The following SDK1 variants were observed in gnomAD, a reference collection of about 807,000 sequenced individuals.
The protein encoded by SDK1 is sidekick cell adhesion molecule 1.
SDK1 carries 157 observed loss-of-function variants against 245.5 expected under a neutral mutation model. The observed-to-expected ratio is 0.64, with a 90% confidence interval of 0.56 to 0.73. The LOEUF (loss-of-function observed/expected upper bound fraction) is 0.73. Ranked by LOEUF, SDK1 falls within the 30% of genes least tolerant of loss-of-function variation. The pLI is 0.00. For missense variants in SDK1, 3,583 were observed against 3,002.3 expected, an observed-to-expected ratio of 1.19 and a Z score of -4.52; for synonymous variants, 1,647 against 1,278.5, an observed-to-expected ratio of 1.29 and a Z score of -6.15.
intron 8 of SDK1, 131 bp downstream of exon 8, chr7:3,959,145 A>G (rs1781482488): frequency 1.3e-6 from 1 of 752,168 alleles, no homozygotes; most frequent in Non-Finnish European, 2.3e-6. Context: ...TTCAGAGAGT[A>G]GATCGGTCTT....
chr7:3,801,070 C>G (rs569413408), intron 4 of SDK1, among the ~76,000 whole-genome samples: 1 of 152,190 alleles, frequency 6.6e-6, no homozygotes, highest in East Asian at 1.9e-4. Flanking sequence ...TAGTATATTC[C>G]AAAGCACAGT....
chr7:3,709,948 G>A (rs1482724737), intron 4 of SDK1, among the ~76,000 whole-genome samples: 4 of 152,098 alleles, frequency 2.6e-5, no homozygotes, highest in African/African-American at 7.2e-5. Context: ...CAGGTGCCCC[G>A]AGACTTAAAT....
At chr7:4,112,830 T>C in intron 23 of SDK1, among the ~76,000 whole-genome samples, 1 of 152,156 alleles carries the variant, frequency 6.6e-6, no homozygotes, top group Admixed American at 6.5e-5. Context: ...TCTCAGCTCA[T>C]GCAACCTCTG....
intron 37 of SDK1, 109 bp downstream of exon 37, chr7:4,208,394 C>A: frequency 2.0e-6 from 2 of 987,354 alleles, no homozygotes; most frequent in Non-Finnish European, 3.0e-6. Flanking sequence ...AGGCGGAAGG[C>A]AACACCTTTT....
intron 38 of SDK1, among the ~76,000 whole-genome samples, chr7:4,211,162 C>T (rs187045600): frequency 9.9e-5 from 15 of 152,256 alleles, no homozygotes; most frequent in African/African-American, 2.9e-4. Flanking sequence ...CTCAGTGTCA[C>T]GATGGAAAGA....
intron 22 of SDK1, among the ~76,000 whole-genome samples, chr7:4,088,658 G>A (rs1404666977): frequency 6.6e-6 from 1 of 152,076 alleles, no homozygotes; most frequent in Non-Finnish European, 1.5e-5. Flanking sequence ...TGGTAAGGTG[G>A]TTCACACTGC....
At chr7:3,407,806 T>C (rs1437460195) in intron 1 of SDK1, among the ~76,000 whole-genome samples, 1 of 152,172 alleles carries the variant, frequency 6.6e-6, no homozygotes, top group Non-Finnish European at 1.5e-5. Flanking sequence ...GTTCCCACTT[T>C]TGTGGCAGAG....
intron 1 of SDK1, among the ~76,000 whole-genome samples, chr7:3,495,464 G>T (rs1169556289): frequency 4.6e-5 from 7 of 151,812 alleles, no homozygotes; most frequent in African/African-American, 1.7e-4. Context: ...TTGCCATGTT[G>T]CCCAGGCAAG....
At chr7:4,194,979 G>A (rs1424952187) in intron 35 of SDK1, among the ~76,000 whole-genome samples, 1 of 152,094 alleles carries the variant, frequency 6.6e-6, no homozygotes, top group Non-Finnish European at 1.5e-5. Context: ...GGAATTTTCT[G>A]CTCTGACAGC....
At chr7:3,581,797 C>T (rs1414093137) in intron 1 of SDK1, among the ~76,000 whole-genome samples, 1 of 152,156 alleles carries the variant, frequency 6.6e-6, no homozygotes, top group East Asian at 1.9e-4. Flanking sequence ...ACATATACAC[C>T]TCAGAATACT....
At chr7:3,780,244 C>T (rs1008592524) in intron 4 of SDK1, among the ~76,000 whole-genome samples, 9 of 152,224 alleles carry the variant, frequency 5.9e-5, no homozygotes, top group Non-Finnish European at 1.3e-4. Context: ...CCTGGACCAA[C>T]AGTTTCTGCC....
chr7:3,858,452 AT>A (rs1218652916), intron 5 of SDK1, among the ~76,000 whole-genome samples: 2 of 149,830 alleles, frequency 1.3e-5, no homozygotes, highest in Non-Finnish European at 2.9e-5. Flanking sequence ...ATCTAAGTGA[AT>A]TCAAAAAATA....
intron 12 of SDK1, among the ~76,000 whole-genome samples, chr7:3,972,908 G>A (rs1245649002): frequency 6.6e-6 from 1 of 152,176 alleles, no homozygotes; most frequent in East Asian, 1.9e-4. Flanking sequence ...AGTGAAAGAC[G>A]ACCTAGGACC....
chr7:3,693,108 G>T (rs1431390662), intron 4 of SDK1, among the ~76,000 whole-genome samples: 1 of 151,818 alleles, frequency 6.6e-6, no homozygotes, highest in Non-Finnish European at 1.5e-5. Context: ...TTATGTAATA[G>T]TGTAGACATA....
intron 1 of SDK1, among the ~76,000 whole-genome samples, chr7:3,417,881 A>G (rs963660667): frequency 2.0e-5 from 3 of 152,180 alleles, no homozygotes; most frequent in Non-Finnish European, 2.9e-5. Context: ...TTTACAAAGA[A>G]TAGTTTTAGT....
At chr7:3,572,089 C>T (rs529845916) in intron 1 of SDK1, among the ~76,000 whole-genome samples, 1 of 152,204 alleles carries the variant, frequency 6.6e-6, no homozygotes, top group East Asian at 1.9e-4. Context: ...AAGACTTTTA[C>T]ATCAGCAAGA....
chr7:4,212,657 A>G (rs1784569315), intron 38 of SDK1, among the ~76,000 whole-genome samples: 2 of 152,232 alleles, frequency 1.3e-5, no homozygotes, highest in African/African-American at 4.8e-5. Flanking sequence ...AGAAGCAGGC[A>G]TGCCATTTGC....
chr7:4,180,959 G>A (rs535526375), intron 35 of SDK1, among the ~76,000 whole-genome samples: 13 of 152,288 alleles, frequency 8.5e-5, no homozygotes, highest in African/African-American at 3.1e-4. Context: ...CTGTCATCGT[G>A]GTAAGATGCG....
chr7:3,653,239 TC>T (rs1165168085), intron 4 of SDK1, among the ~76,000 whole-genome samples: 1 of 152,178 alleles, frequency 6.6e-6, no homozygotes, highest in Admixed American at 6.5e-5. Flanking sequence ...TCTGAAGTCA[TC>T]CTGTGGGTCA....
Sources: allele counts gnomAD v4.1 joint callset (sites outside exome capture counted in the v4.1 genomes callset), GRCh38; gene constraint gnomAD v4.1.1; transcripts MANE v1.5; gene names NCBI Gene and HGNC (gene_info 2026-07-23, HGNC 2026-07-21).